Variants in UGT2B4 observed in about 807,000 individuals in gnomAD.
UGT2B4 encodes UDP-glucuronosyltransferase 2B4.
UGT2B4 carries 49 observed loss-of-function variants against 49.8 expected under a neutral mutation model. That is an observed-to-expected ratio of 0.98 (90% CI 0.78 to 1.25). UGT2B4 has a LOEUF of 1.25. Ranked by LOEUF, UGT2B4 falls within the 50% of genes most tolerant of loss-of-function variation. UGT2B4 has a pLI of 0.00. For synonymous variants in UGT2B4, 246 were observed against 217.7 expected, an observed-to-expected ratio of 1.13 and a Z score of -1.14; for missense variants, 729 against 627.7, an observed-to-expected ratio of 1.16 and a Z score of -1.73.
At chr4:69,524,215 G>T (rs1210118083) in intron 1 of UGT2B4, among the ~76,000 whole-genome samples, 3 of 152,188 alleles carry the variant, frequency 2.0e-5, no homozygotes, top group Non-Finnish European at 4.4e-5. Flanking sequence ...GTTAACTGCT[G>T]CAAGAGGCCT....
At chr4:69,520,552 G>A (rs1285296685) in intron 1 of UGT2B4, among the ~76,000 whole-genome samples, 2 of 152,226 alleles carry the variant, frequency 1.3e-5, no homozygotes, top group Non-Finnish European at 2.9e-5. Flanking sequence ...AGCTCCCGCT[G>A]CCTGGCTTCT....
chr4:69,499,011 T>C (rs1728234490), upstream of UGT2B4, among the ~76,000 whole-genome samples: 1 of 152,194 alleles, frequency 6.6e-6, no homozygotes, highest in Non-Finnish European at 1.5e-5. Flanking sequence ...GTCCTTTAAA[T>C]TTCCCGCTTA....
Position 69,489,584 on chromosome 4 carries a change from G to A in UGT2B4, c.871-14C>T, listed in dbSNP as rs41297399. ...CTCTTCCATTTCCTGTGAAAAAAAA[G>A]AATTTGTTCTATCATAATAGATTAT... On this transcript the variant is annotated splice_polypyrimidine_tract_variant and intron_variant, in intron 2 of 5. Transcript: ENST00000305107. 2 of 1,598,286 alleles carry A rather than the reference G, an allele frequency of 1.3e-6. No homozygotes were observed. Among genetic ancestry groups the A allele is most frequent in the Non-Finnish European group, 1.7e-6 (2 of 1,173,796 alleles).
chr4:69,504,502 A>C (rs1728422276), intron 1 of UGT2B4, among the ~76,000 whole-genome samples: 2 of 152,190 alleles, frequency 1.3e-5, no homozygotes, highest in Non-Finnish European at 2.9e-5. Context: ...AAAATCTCAG[A>C]GCTTGAAGAC....
Position 69,489,539 on chromosome 4 carries a change from T to C in UGT2B4, c.902A>G (p.Glu301Gly), listed in dbSNP as rs1727917128. Reference sequence around the variant, plus strand: ...CAGAGAAAACACCACAACACCATTTTCTCCAGAGCTCTGGACAAACTCTTC... The same window carrying C: ...CAGAGAAAACACCACAACACCATTTCCTCCAGAGCTCTGGACAAACTCTTC... ...EMEEFVQSSGENGVVVFSLGS... is the reference protein window; with the variant it reads ...EMEEFVQSSGGNGVVVFSLGS... Residue 301 changes from glutamate (E) to glycine (G), a missense_variant, in exon 3 of 6, where the codon GAA (glutamate) becomes GGA (glycine). Transcript: ENST00000305107. 6.2e-7 allele frequency: 1 copy of C among 1,610,884 alleles called. No homozygotes were observed. Among genetic ancestry groups the C allele is most frequent in the Non-Finnish European group, 8.5e-7 (1 of 1,178,318 alleles).
chr4:69,495,751 C>T lies in UGT2B4; in HGVS notation c.111G>A (p.Met37Ile). The T allele has an allele frequency of 1.2e-6, 2 of 1,614,036 alleles. No homozygotes were observed. Among genetic ancestry groups the T allele is most frequent in the Non-Finnish European group, 1.7e-6 (2 of 1,179,956 alleles). Residue 37 changes from methionine to isoleucine, a missense_variant, in exon 1 of 6, where the codon ATG becomes ATA. Transcript: ENST00000305107. ...LVWPTEFSHW[M>I]NIKTILDELV... ...GTTCATCCAGGATTGTCTTTATATTCATCCAGTGGCTGAATTCTGTGGGCC... is the reference window on the plus strand; with the variant it reads ...GTTCATCCAGGATTGTCTTTATATTTATCCAGTGGCTGAATTCTGTGGGCC...
intron 2 of UGT2B4, among the ~76,000 whole-genome samples, chr4:69,493,021 C>G (rs1728037170): frequency 6.6e-6 from 1 of 152,060 alleles, no homozygotes; most frequent in Non-Finnish European, 1.5e-5. Flanking sequence ...ATTTCAACTC[C>G]TGAGGAGTAT....
At position 69,493,824 on chromosome 4, in the gene UGT2B4, A is replaced by T; in HGVS notation, c.739T>A (p.Ser247Thr). The T allele has an allele frequency of 6.2e-7, 1 of 1,603,272 alleles. No individual in the cohort carries two copies. Among genetic ancestry groups the T allele is most frequent in the Non-Finnish European group, 8.5e-7 (1 of 1,175,708 alleles). ...ATGTCAGCTTTTGCCATTGTCTCAGATAACGTAGTGGGTCTTCCTGATGGG... is the reference window on the plus strand; with the variant it reads ...ATGTCAGCTTTTGCCATTGTCTCAGTTAACGTAGTGGGTCTTCCTGATGGG... Reference protein sequence around the residue: ...SEVLGRPTTLSETMAKADIWL... With the variant: ...SEVLGRPTTLTETMAKADIWL... The change falls in exon 2 of 6, where the codon TCT becomes ACT. Residue 247 changes from serine (S) to threonine (T), a missense_variant. Ser to Thr is a moderately conservative substitution (Grantham distance 58). Coordinates refer to ENST00000305107, the MANE Select transcript of UGT2B4 (RefSeq NM_021139.3).
At chr4:69,514,631 T>G (rs1728685755) in intron 1 of UGT2B4, among the ~76,000 whole-genome samples, 1 of 152,194 alleles carries the variant, frequency 6.6e-6, no homozygotes, top group South Asian at 2.1e-4. Context: ...TGAGATAGGT[T>G]CCCTCAATAT....
At chr4:69,481,728 G>A (rs1035527344) in intron 5 of UGT2B4, among the ~76,000 whole-genome samples, 6 of 152,078 alleles carry the variant, frequency 3.9e-5, no homozygotes, top group Admixed American at 1.3e-4. Context: ...ATCATGAGCC[G>A]TTTTAAGTGG....
At chr4:69,516,355 G>T (rs1253945643) in intron 1 of UGT2B4, among the ~76,000 whole-genome samples, 2 of 152,148 alleles carry the variant, frequency 1.3e-5, no homozygotes, top group African/African-American at 4.8e-5. Context: ...CCCAGTAATG[G>T]GAACGCTGAG....
intron 1 of UGT2B4, among the ~76,000 whole-genome samples, chr4:69,523,401 C>T (rs1728889363): frequency 6.6e-6 from 1 of 152,096 alleles, no homozygotes; most frequent in African/African-American, 2.4e-5. Context: ...ATGAAAATAA[C>T]ATTAATCTCC....
chr4:69,485,684 A>C (rs9997034), intron 4 of UGT2B4, among the ~76,000 whole-genome samples: 61,409 of 150,690 alleles, frequency 0.41, 13,128 homozygotes, highest in South Asian at 0.62. Flanking sequence ...TTAGATAAGG[A>C]AACATCATGT....
chr4:69,490,198 C>T (rs763459696), intron 2 of UGT2B4, among the ~76,000 whole-genome samples: 1 of 152,060 alleles, frequency 6.6e-6, no homozygotes, highest in Non-Finnish European at 1.5e-5. Flanking sequence ...ATGGAGTCTG[C>T]TGTTGTGGTT....
chr4:69,525,768 A>C lies in UGT2B4; in HGVS notation c.-187T>G, dbSNP rs775012065. The C allele has an allele frequency of 2.5e-5, 31 of 1,227,510 alleles. No individual in the cohort carries two copies. In the South Asian group the frequency reaches 4.1e-4, roughly 16 times the overall value. The allele number at this position is 1,227,510 out of a possible 1,614,324, so 76.0% of individuals were successfully genotyped here. A position where few individuals can be genotyped will look rare whatever the true frequency, so the allele number is the denominator to read the frequency against. On this transcript the variant is annotated 5_prime_UTR_variant, in exon 1 of 2. Transcript: ENST00000510114. ...CTGTGCTCAAGCAGCTCACATGTTT[A>C]TATTTAAACAAGTTGACTAACATTT...
At chr4:69,484,986 T>A (rs541025002) in intron 5 of UGT2B4, among the ~76,000 whole-genome samples, 2 of 152,302 alleles carry the variant, frequency 1.3e-5, no homozygotes, top group African/African-American at 4.8e-5. Context: ...TAAAATTATT[T>A]TTGTGTAGAA....
At chr4:69,486,433 ATAAAATGCCAACAATTTAT>A in intron 4 of UGT2B4, 157 bp downstream of exon 4, 1 of 370,156 alleles carries the variant, frequency 2.7e-6, no homozygotes, top group Admixed American at 5.5e-5. Flanking sequence ...GGTGCATATC[ATAAAATGCCAACAATTTAT>A]TCTTTTCCCC....
chr4:69,498,833 T>G (rs1728230560), upstream of UGT2B4, among the ~76,000 whole-genome samples: 1 of 151,984 alleles, frequency 6.6e-6, no homozygotes, highest in East Asian at 1.9e-4. Context: ...ATTTGTTGAT[T>G]TTTTGAATAG....
intron 1 of UGT2B4, among the ~76,000 whole-genome samples, chr4:69,525,065 C>T (rs1728949745): frequency 6.6e-6 from 1 of 152,110 alleles, no homozygotes; most frequent in Non-Finnish European, 1.5e-5. Flanking sequence ...CCTTACATAG[C>T]TTTGTACAGT....
Sources: gnomAD v4.1 joint callset for allele counts (sites outside exome capture counted in the v4.1 genomes callset) on GRCh38, gnomAD v4.1.1 for gene constraint, MANE v1.5 for transcripts, NCBI Gene and HGNC (gene_info 2026-07-23, HGNC 2026-07-21) for gene names.